The following BABAM2 variants were observed in gnomAD, a reference collection of about 807,000 sequenced individuals.
The protein encoded by BABAM2 is BRISC and BRCA1-A complex member 2.
Under a neutral mutation model 54.7 loss-of-function variants are expected in BABAM2, and 31 were observed. The observed-to-expected ratio is 0.57, with a 90% CI of 0.43 to 0.77. The LOEUF is 0.77. BABAM2 is among the 30% of genes least tolerant of loss of function. BABAM2 has a pLI of 0.00. For synonymous variants in BABAM2, 167 were observed against 162.9 expected, an observed-to-expected ratio of 1.03 and a Z score of -0.19; for missense variants, 364 against 455.8, an observed-to-expected ratio of 0.80 and a Z score of 1.83.
At chr2:27,963,243 G>T (rs1026150747) in intron 3 of BABAM2, among the ~76,000 whole-genome samples, 1 of 152,138 alleles carries the variant, frequency 6.6e-6, no homozygotes, top group African/African-American at 2.4e-5. Flanking sequence ...GCTGAAGCGG[G>T]TGGATCACCT....
At position 28,053,545 on chromosome 2, in the gene BABAM2, C is replaced by G. The variant is rs1678156286; in HGVS notation, c.570+7746C>G. 2.6e-5 allele frequency among the ~76,000 whole-genome samples: 4 copies of G among 152,242 alleles called. No homozygotes were observed. In the South Asian group the frequency reaches 8.3e-4, roughly 32 times the overall value. ...CGATTTATCCTTGCTAAATTTGAGCCAAAATTTGCATTTGAGACTTAATCA... is the reference window on the plus strand; with the variant it reads ...CGATTTATCCTTGCTAAATTTGAGCGAAAATTTGCATTTGAGACTTAATCA... On this transcript the variant is annotated intron_variant, in intron 6 of 11. Transcript: ENST00000379624.
rs72855688 is a variant in BABAM2 at position 28,221,274 on chromosome 2, G to A, written c.681-15928G>A. Among the ~76,000 whole-genome samples the A allele has an allele frequency of 7.2e-3, 1,090 of 152,214 alleles. 11 individuals carry two copies. Among genetic ancestry groups the A allele is most frequent in the African/African-American group, 0.024 (1,016 of 41,516 alleles). On this transcript the variant is annotated intron_variant, in intron 7 of 11. Transcript: ENST00000379624. ...CCACATCCTTCTTCTTCCCTGTGCTGGCATTTCTCTGACTTGGGTGGTGCC... is the reference window on the plus strand; with the variant it reads ...CCACATCCTTCTTCTTCCCTGTGCTAGCATTTCTCTGACTTGGGTGGTGCC...
chr2:28,057,474 A>G (rs1678520446), intron 6 of BABAM2, among the ~76,000 whole-genome samples: 1 of 152,138 alleles, frequency 6.6e-6, no homozygotes, highest in South Asian at 2.1e-4. Context: ...GAATTATGGG[A>G]TGTGATCACT....
At chr2:28,227,650 C>CA (rs1681009884) in intron 7 of BABAM2, among the ~76,000 whole-genome samples, 1 of 152,200 alleles carries the variant, frequency 6.6e-6, no homozygotes, top group East Asian at 1.9e-4. Flanking sequence ...GTCCACAGTG[C>CA]CTTTCAAGTA....
intron 6 of BABAM2, among the ~76,000 whole-genome samples, chr2:28,115,470 C>A (rs935404164): frequency 6.6e-6 from 1 of 151,734 alleles, no homozygotes; most frequent in African/African-American, 2.4e-5. Flanking sequence ...ACTAAAAATA[C>A]AAAAAATTAT....
At chr2:28,241,235 T>C (rs1354342651) in intron 8 of BABAM2, 88 bp from the exon 9 acceptor site, 46 of 1,310,298 alleles carry the variant, frequency 3.5e-5, no homozygotes, top group Non-Finnish European at 4.8e-5. Flanking sequence ...TTACTATTCT[T>C]TCTGCTTCTC....
chr2:28,146,817 C>T (rs559894215), intron 7 of BABAM2, among the ~76,000 whole-genome samples: 2 of 152,280 alleles, frequency 1.3e-5, no homozygotes, highest in African/African-American at 4.8e-5. Context: ...AATTTTCAGC[C>T]ATTTCTAGGA....
intron 4 of BABAM2, among the ~76,000 whole-genome samples, chr2:28,002,737 G>C (rs1252807777): frequency 6.6e-6 from 1 of 152,254 alleles, no homozygotes; most frequent in Non-Finnish European, 1.5e-5. Context: ...TAATGAAAGA[G>C]AGAATACAGT....
intron 7 of BABAM2, among the ~76,000 whole-genome samples, chr2:28,131,719 C>T (rs190907108): frequency 9.8e-4 from 149 of 152,162 alleles, no homozygotes; most frequent in Non-Finnish European, 1.2e-3. Context: ...AGGAGAAGAA[C>T]GAGTGAGTGT....
chr2:27,997,431 G>T (rs2148505350), intron 4 of BABAM2, among the ~76,000 whole-genome samples: 1 of 152,280 alleles, frequency 6.6e-6, no homozygotes, highest in East Asian at 1.9e-4. Context: ...TAGGAAGAAA[G>T]TTGATGTTAT....
At chr2:28,050,492 G>A (rs1435714305) in intron 6 of BABAM2, among the ~76,000 whole-genome samples, 2 of 152,166 alleles carry the variant, frequency 1.3e-5, no homozygotes, top group Non-Finnish European at 2.9e-5. Context: ...TATCACAACT[G>A]CAACAGAGTG....
intron 7 of BABAM2, among the ~76,000 whole-genome samples, chr2:28,189,633 C>G (rs965459528): frequency 1.3e-5 from 2 of 151,870 alleles, no homozygotes; most frequent in African/African-American, 4.8e-5. Flanking sequence ...TAAAGAAGAC[C>G]TAAATAAATA....
chr2:27,911,725 T>C (rs2148306311), intron 2 of BABAM2, among the ~76,000 whole-genome samples: 1 of 152,284 alleles, frequency 6.6e-6, no homozygotes, highest in East Asian at 1.9e-4. Flanking sequence ...CTCTCAGTAC[T>C]GTCAGCACTC....
At chr2:27,944,999 CT>C (rs879793654) in intron 3 of BABAM2, among the ~76,000 whole-genome samples, 1,428 of 141,062 alleles carry the variant, frequency 0.01, 14 homozygotes, top group African/African-American at 0.031. Flanking sequence ...TTTGAGCTAC[CT>C]TTTTTTTTTT....
chr2:28,020,462 T>C (rs192939448), intron 4 of BABAM2, among the ~76,000 whole-genome samples: 1 of 152,174 alleles, frequency 6.6e-6, no homozygotes, highest in Non-Finnish European at 1.5e-5. Flanking sequence ...AAAACTTTTT[T>C]AAATAGCTCC....
intron 6 of BABAM2, 77 bp from the exon 7 acceptor site, chr2:28,129,194 C>T: frequency 7.6e-7 from 1 of 1,323,968 alleles, no homozygotes; most frequent in South Asian, 1.2e-5. Context: ...GCTTCAATGC[C>T]AGTGGACTGT....
chr2:28,217,732 C>A (rs943421109), intron 7 of BABAM2, among the ~76,000 whole-genome samples: 2 of 152,130 alleles, frequency 1.3e-5, no homozygotes, highest in Non-Finnish European at 2.9e-5. Context: ...GGGATGCTGA[C>A]TTTCCTACTA....
intron 5 of BABAM2, among the ~76,000 whole-genome samples, chr2:28,033,517 A>G (rs1179445460): frequency 1.3e-5 from 2 of 152,106 alleles, no homozygotes; most frequent in East Asian, 1.9e-4. Flanking sequence ...GCATGCTAGC[A>G]TGCTCGCTTA....
At chr2:27,966,260 C>T (rs963593538) in intron 3 of BABAM2, among the ~76,000 whole-genome samples, 10 of 152,160 alleles carry the variant, frequency 6.6e-5, no homozygotes, top group African/African-American at 2.4e-4. Context: ...AGAGTTTTTC[C>T]TGATCAACTA....
Sources: allele counts gnomAD v4.1 joint callset (sites outside exome capture counted in the v4.1 genomes callset), GRCh38; gene constraint gnomAD v4.1.1; transcripts MANE v1.5; gene names NCBI Gene and HGNC (gene_info 2026-07-23, HGNC 2026-07-21).